The following DACH2 variants were observed in gnomAD, a reference collection of about 807,000 sequenced individuals.
DACH2 encodes dachshund family transcription factor 2.
A neutral mutation model predicts 35.8 loss-of-function variants in DACH2; 17 were observed. That is an observed-to-expected ratio of 0.48 (90% CI 0.33 to 0.71). The LOEUF is 0.71. Ranked by LOEUF, DACH2 falls within the 30% of genes least tolerant of loss-of-function variation. The pLI is 0.02. For synonymous variants in DACH2, 195 were observed against 177.3 expected, an observed-to-expected ratio of 1.10 and a Z score of -0.79; for missense variants, 469 against 472.7, an observed-to-expected ratio of 0.99 and a Z score of 0.07.
chrX:86,741,417 G>A (rs969472726), intron 7 of DACH2, among the ~76,000 whole-genome samples: 1 of 111,622 alleles, frequency 9.0e-6, no homozygotes, highest in Non-Finnish European at 1.9e-5. Flanking sequence ...ACTTGGTCTG[G>A]AATAGAGCCT....
rs192237988 is a variant in DACH2 at position 86,436,040 on chromosome X, G to A, written c.527+59178G>A. 4.3e-3 allele frequency among the ~76,000 whole-genome samples: 481 copies of A among 111,021 alleles called. 2 individuals are homozygous for A. The highest frequency in any genetic ancestry group is 0.015 in the African/African-American group (466 of 30,649). On this transcript the variant is annotated intron_variant, in intron 2 of 11. Coordinates refer to ENST00000373125, the MANE Select transcript of DACH2 (RefSeq NM_053281.3). ...AGTAAATATATCCCACAATATTTTA[G>A]TACAAATATCTTCTGTAATTTCTGA...
chrX:86,523,960 A>C, intron 3 of DACH2, among the ~76,000 whole-genome samples: 1 of 111,591 alleles, frequency 9.0e-6, no homozygotes, highest in Non-Finnish European at 1.9e-5. Flanking sequence ...TTACCTAGGC[A>C]GTTTTATCCC....
chrX:86,364,833 A>T (rs892046812), intron 1 of DACH2, among the ~76,000 whole-genome samples: 1 of 111,848 alleles, frequency 8.9e-6, no homozygotes, highest in African/African-American at 3.2e-5. Context: ...AGGGAAAAAA[A>T]TACATGCCTG....
chrX:86,832,390 G>A lies in DACH2; in HGVS notation c.*235G>A. 1 of 340,413 alleles carries A rather than the reference G, an allele frequency of 2.9e-6. No homozygotes were observed. Among genetic ancestry groups the A allele is most frequent in the Non-Finnish European group, 5.0e-6 (1 of 198,468 alleles). 28.1% of individuals were successfully genotyped at this position (340,413 alleles called of 1,213,427 possible). On this transcript the variant is annotated 3_prime_UTR_variant, in exon 12 of 12. Coordinates refer to ENST00000373125, the MANE Select transcript of DACH2 (RefSeq NM_053281.3). Reference sequence around the variant, plus strand: ...TAAAAATATGAACTAAAACCTAATGGCTAAAGTAACTTGACCATATTTGAT... The same window carrying A: ...TAAAAATATGAACTAAAACCTAATGACTAAAGTAACTTGACCATATTTGAT...
chrX:86,673,707 G>C (rs2040796554), intron 4 of DACH2, among the ~76,000 whole-genome samples: 1 of 111,433 alleles, frequency 9.0e-6, no homozygotes, highest in South Asian at 3.8e-4. Flanking sequence ...AGAATGATAT[G>C]GTTTGGATTT....
chrX:86,277,366 G>A (rs1445465452), intron 1 of DACH2, among the ~76,000 whole-genome samples: 3 of 111,344 alleles, frequency 2.7e-5, no homozygotes, highest in Non-Finnish European at 3.8e-5. Context: ...ACGTAATTAT[G>A]GTTTTTGCAT....
intron 2 of DACH2, among the ~76,000 whole-genome samples, chrX:86,490,062 TG>T (rs1312063498): frequency 1.8e-5 from 2 of 112,178 alleles, no homozygotes; most frequent in African/African-American, 6.4e-5. Context: ...AAACTCTTTT[TG>T]TCTGCCACCA....
chrX:86,567,795 C>G (rs2039311361), intron 3 of DACH2, among the ~76,000 whole-genome samples: 1 of 111,158 alleles, frequency 9.0e-6, no homozygotes, highest in Non-Finnish European at 1.9e-5. Context: ...AAAGTCCACA[C>G]TTCTTGGTAT....
chrX:86,588,755 C>A (rs919709929), intron 3 of DACH2, among the ~76,000 whole-genome samples: 2 of 110,587 alleles, frequency 1.8e-5, no homozygotes, highest in Non-Finnish European at 3.8e-5. Context: ...GATCTAGGAG[C>A]CTTTTGGTGG....
intron 3 of DACH2, among the ~76,000 whole-genome samples, chrX:86,544,141 T>G (rs1324911610): frequency 9.0e-6 from 1 of 110,655 alleles, no homozygotes; most frequent in Non-Finnish European, 1.9e-5. Context: ...CCAAGAAATA[T>G]GAGATGATGT....
At chrX:86,598,179 C>A (rs1228944355) in intron 3 of DACH2, among the ~76,000 whole-genome samples, 1 of 111,806 alleles carries the variant, frequency 8.9e-6, no homozygotes, top group Non-Finnish European at 1.9e-5. Context: ...GGTGGGGACA[C>A]AGCCAAACCA....
At chrX:86,271,286 C>A (rs192157098) in intron 1 of DACH2, among the ~76,000 whole-genome samples, 1,848 of 112,094 alleles carry the variant, frequency 0.016, 19 homozygotes, top group Admixed American at 0.052. Flanking sequence ...ATAGGGCAGT[C>A]CCTAAGTGTT....
chrX:86,467,949 C>T (rs920097469), intron 2 of DACH2, among the ~76,000 whole-genome samples: 8 of 111,186 alleles, frequency 7.2e-5, no homozygotes, highest in African/African-American at 2.6e-4. Flanking sequence ...TCCCCTGGGT[C>T]CCTCCCATGA....
intron 3 of DACH2, among the ~76,000 whole-genome samples, chrX:86,570,818 A>G (rs1050607144): frequency 1.8e-5 from 2 of 111,103 alleles, no homozygotes; most frequent in Non-Finnish European, 3.8e-5. Context: ...TTGTTTTGTA[A>G]GATTTCTTTA....
chrX:86,571,073 T>C (rs192117838), intron 3 of DACH2, among the ~76,000 whole-genome samples: 1,183 of 111,471 alleles, frequency 0.011, 3 homozygotes, highest in Non-Finnish European at 0.017. Flanking sequence ...TCATTTTTGC[T>C]TTTATATTTT....
At chrX:86,790,965 G>A (rs767277626) in intron 7 of DACH2, among the ~76,000 whole-genome samples, 2 of 111,607 alleles carry the variant, frequency 1.8e-5, no homozygotes, top group Admixed American at 9.5e-5. Context: ...ATTATATACT[G>A]CATTCTTACA....
intron 2 of DACH2, among the ~76,000 whole-genome samples, chrX:86,450,736 T>G (rs1406456654): frequency 9.0e-6 from 1 of 110,545 alleles, no homozygotes; most frequent in Non-Finnish European, 1.9e-5. Flanking sequence ...GAACCTTTTT[T>G]TTTTTCACTT....
chrX:86,679,233 C>T (rs2040852540), intron 4 of DACH2, among the ~76,000 whole-genome samples: 1 of 111,616 alleles, frequency 9.0e-6, no homozygotes, highest in East Asian at 2.8e-4. Flanking sequence ...CTTTTAAGGC[C>T]TTTTGATTTG....
At chrX:86,216,424 T>C (rs1454940060) in intron 1 of DACH2, among the ~76,000 whole-genome samples, 3 of 107,095 alleles carry the variant, frequency 2.8e-5, no homozygotes, top group Admixed American at 2.0e-4. Context: ...TGCTTCTCAT[T>C]GTTCAGCTCC....
Sources: allele counts gnomAD v4.1 joint callset (sites outside exome capture counted in the v4.1 genomes callset), GRCh38; gene constraint gnomAD v4.1.1; transcripts MANE v1.5; gene names NCBI Gene and HGNC (gene_info 2026-07-23, HGNC 2026-07-21).